MYO1E: variants seen among roughly 807,000 people sequenced by gnomAD.
MYO1E encodes the protein unconventional myosin-Ie.
Under a neutral mutation model 151.1 loss-of-function variants are expected in MYO1E, and 68 were observed. The observed-to-expected ratio is 0.45, with a 90% CI of 0.37 to 0.55. MYO1E has a LOEUF of 0.55. MYO1E is among the 20% of genes least tolerant of loss of function. The probability of loss-of-function intolerance (pLI) is 0.00; values close to 1 mark genes in which losing one functional copy is unlikely to be tolerated. For synonymous variants in MYO1E, 601 were observed against 501.7 expected (o/e 1.20, Z -2.64); for missense variants, 1,363 against 1,389.3 (o/e 0.98, Z 0.30).
intron 1 of MYO1E, among the ~76,000 whole-genome samples, chr15:59,327,661 G>T (rs180792004): frequency 6.6e-6 from 1 of 152,018 alleles, no homozygotes; most frequent in South Asian, 2.1e-4. Flanking sequence ...AGTGCAGGAG[G>T]GTATAGTGGG....
At chr15:59,201,101 C>T (rs547284999) in intron 16 of MYO1E, among the ~76,000 whole-genome samples, 14 of 144,660 alleles carry the variant, frequency 9.7e-5, no homozygotes, top group African/African-American at 2.0e-4. Flanking sequence ...GACACAATGA[C>T]AAAAACTATT....
At chr15:59,320,624 GC>G (rs2080619975) in intron 1 of MYO1E, among the ~76,000 whole-genome samples, 1 of 152,154 alleles carries the variant, frequency 6.6e-6, no homozygotes, top group African/African-American at 2.4e-5. Context: ...AGGGTGCTTG[GC>G]TAGCCATATG....
rs187135355 is a variant in MYO1E at position 59,173,409 on chromosome 15, G to A, written c.2334+337C>T. ...TGTAAAATAACTTATATTGCTAACT[G>A]TATTACTATCGAAAATTCTCGCATT... is the stretch of plus-strand genomic sequence containing the variant. On this transcript the variant is annotated intron_variant, in intron 21 of 27. Coordinates refer to ENST00000288235, the MANE Select transcript of MYO1E (RefSeq NM_004998.4). 3.3e-5 allele frequency among the ~76,000 whole-genome samples: 5 copies of A among 151,824 alleles called. No homozygotes were observed. The East Asian group carries it at 9.7e-4, about 29-fold the overall frequency.
chr15:59,268,720 A>ATTTTT lies in MYO1E; in HGVS notation c.147+3581_147+3585dup, dbSNP rs398027512. 1.8e-3 allele frequency among the ~76,000 whole-genome samples: 80 copies of ATTTTT among 44,906 alleles called. 27 individuals carry two copies. Among genetic ancestry groups the ATTTTT allele is most frequent in the East Asian group, 3.3e-3 (5 of 1,502 alleles). 29.5% of individuals were successfully genotyped at this position (44,906 alleles called of 152,430 possible). ...GTGATGGGTTCTGGGTGACTTTGGT[A>ATTTTT]TTTTTTTTTTTTTTTTTTTTTGCTT... On this transcript the variant is annotated intron_variant, in intron 2 of 27. Coordinates refer to ENST00000288235, the MANE Select transcript of MYO1E (RefSeq NM_004998.4).
chr15:59,318,458 G>A (rs1253852916), intron 1 of MYO1E, among the ~76,000 whole-genome samples: 1 of 152,104 alleles, frequency 6.6e-6, no homozygotes, highest in Admixed American at 6.6e-5. Flanking sequence ...CAAAGCAAGT[G>A]GTCATGAGAA....
At chr15:59,211,529 C>T (rs1439342174) in intron 12 of MYO1E, among the ~76,000 whole-genome samples, 1 of 152,162 alleles carries the variant, frequency 6.6e-6, no homozygotes, top group Admixed American at 6.5e-5. Flanking sequence ...TTTCTCTAGT[C>T]TATACCTCGC....
chr15:59,208,289 T>C (rs1351131258), intron 14 of MYO1E: 50 of 586,546 alleles, frequency 8.5e-5, no homozygotes, highest in African/African-American at 7.7e-4. Context: ...TAAGTATTTT[T>C]GGTACCTCTG....
intron 20 of MYO1E, 90 bp from the exon 21 acceptor site, chr15:59,174,005 A>C (rs1596351761): frequency 6.6e-7 from 1 of 1,522,036 alleles, no homozygotes; most frequent in East Asian, 2.3e-5. Flanking sequence ...AGAAACTCTA[A>C]ATGATGCAAT....
chr15:59,322,889 C>A (rs1186926860), intron 1 of MYO1E, among the ~76,000 whole-genome samples: 1 of 151,762 alleles, frequency 6.6e-6, no homozygotes, highest in Non-Finnish European at 1.5e-5. Flanking sequence ...TGGCCGGGCA[C>A]GGTGGCTTAC....
At position 59,272,468 on chromosome 15, in the gene MYO1E, C is replaced by G; in HGVS notation, c.4-19G>C. 1 of 1,613,622 alleles carries G rather than the reference C, an allele frequency of 6.2e-7. No homozygotes were observed. Among genetic ancestry groups the G allele is most frequent in the Non-Finnish European group, 8.5e-7 (1 of 1,179,522 alleles). ...TGCTTCCCTGGGAACATAAAACATACAATTACTAGGATAGTTTGTTTTCCC... is the reference window on the plus strand; with the variant it reads ...TGCTTCCCTGGGAACATAAAACATAGAATTACTAGGATAGTTTGTTTTCCC... On this transcript the variant is annotated intron_variant, in intron 1 of 27. Transcript: ENST00000288235.
intron 1 of MYO1E, among the ~76,000 whole-genome samples, chr15:59,287,318 G>A (rs1041988778): frequency 1.2e-4 from 18 of 152,196 alleles, no homozygotes; most frequent in African/African-American, 3.1e-4. Context: ...ATGCAGAGAC[G>A]GGAGCCTTAT....
chr15:59,368,742 A>G (rs1241228598), intron 1 of MYO1E, among the ~76,000 whole-genome samples: 1 of 151,434 alleles, frequency 6.6e-6, no homozygotes, highest in Admixed American at 6.6e-5. Context: ...AGAGACTCCA[A>G]CTCAAAAAAA....
chr15:59,204,078 A>C (rs1177081321), intron 15 of MYO1E, among the ~76,000 whole-genome samples: 10 of 152,226 alleles, frequency 6.6e-5, no homozygotes, highest in African/African-American at 2.4e-4. Flanking sequence ...AATTTTAATA[A>C]TTTTTTAAAA....
rs2140309924 is a variant in MYO1E, at chr15:59,159,819, T to C, written c.2785+1254A>G. Among the ~76,000 whole-genome samples, 1 of 152,242 alleles carries C rather than the reference T, an allele frequency of 6.6e-6. No individual in the cohort carries two copies. Among genetic ancestry groups the C allele is most frequent in the East Asian group, 1.9e-4 (1 of 5,186 alleles). On this transcript the variant is annotated intron_variant, in intron 24 of 27. Transcript: ENST00000288235. This position sits in a 1 kb window ranked among gnomAD's most constrained non-coding sequence, Gnocchi z 4.4. ...TAGAGAACATGTTAAGGTGTACCTTTGCAGACAGATTTGAGAAATGGCTAA... is the reference window on the plus strand; with the variant it reads ...TAGAGAACATGTTAAGGTGTACCTTCGCAGACAGATTTGAGAAATGGCTAA...
chr15:59,252,758 A>C (rs1271842527), intron 4 of MYO1E, among the ~76,000 whole-genome samples: 1 of 146,100 alleles, frequency 6.8e-6, no homozygotes, highest in Non-Finnish European at 1.5e-5. Context: ...ATGGTGGTGC[A>C]TGCCTTAACC....
intron 1 of MYO1E, among the ~76,000 whole-genome samples, chr15:59,329,670 C>G (rs1327284383): frequency 1.3e-5 from 2 of 152,152 alleles, no homozygotes; most frequent in Non-Finnish European, 2.9e-5. Flanking sequence ...AACTGCCAGC[C>G]GTCAAATGCT....
At chr15:59,305,617 C>T (rs961118923) in intron 1 of MYO1E, among the ~76,000 whole-genome samples, 5 of 152,212 alleles carry the variant, frequency 3.3e-5, no homozygotes, top group Non-Finnish European at 7.3e-5. Flanking sequence ...TCTTGCCTGA[C>T]TTGTCTCTTC....
At chr15:59,307,504 C>T (rs1032661956) in intron 1 of MYO1E, among the ~76,000 whole-genome samples, 3 of 152,190 alleles carry the variant, frequency 2.0e-5, no homozygotes, top group African/African-American at 7.2e-5. Context: ...ACATTTCCTT[C>T]CCACCTTCAC....
chr15:59,162,145 C>T (rs2079541307), intron 23 of MYO1E, among the ~76,000 whole-genome samples: 1 of 152,194 alleles, frequency 6.6e-6, no homozygotes, highest in Non-Finnish European at 1.5e-5. Context: ...CAAGTATCCT[C>T]CCACCTCAGC....
Sources: gnomAD v4.1 joint callset for allele counts (sites outside exome capture counted in the v4.1 genomes callset) on GRCh38, gnomAD v4.1.1 for gene constraint, Gnocchi (gnomAD v3.1) non-coding constraint, MANE v1.5 for transcripts, NCBI Gene and HGNC (gene_info 2026-07-23, HGNC 2026-07-21) for gene names.